Variants in YY1AP1 observed in about 807,000 individuals in gnomAD.
YY1AP1 encodes YY1-associated protein 1.
A neutral mutation model predicts 39.9 loss-of-function variants in YY1AP1; 43 were observed. The ratio of observed to expected loss-of-function variants is 1.08; its 90% confidence interval spans 0.84 to 1.39. YY1AP1 has a LOEUF of 1.39. YY1AP1 is among the 40% of genes most tolerant of loss of function. The probability of loss-of-function intolerance (pLI) is 0.00; values close to 1 mark genes in which losing one functional copy is unlikely to be tolerated. For missense variants in YY1AP1, 813 were observed against 900.7 expected, an observed-to-expected ratio of 0.90 and a Z score of 1.25; for synonymous variants, 292 against 331.3, an observed-to-expected ratio of 0.88 and a Z score of 1.29.
At chr1:155,676,338 T>C (rs191318297) in intron 5 of YY1AP1, among the ~76,000 whole-genome samples, 7 of 152,316 alleles carry the variant, frequency 4.6e-5, no homozygotes, top group Non-Finnish European at 7.4e-5. Context: ...CGAATACCAT[T>C]AGGGTCCTTA....
At position 155,659,808 on chromosome 1, in the gene YY1AP1, G is replaced by C; in HGVS notation, c.2102C>G (p.Thr701Ser). The stretch of plus-strand genomic sequence containing the variant: ...CCTTCCCTCCTCTGTTTTCACAACG[G>C]TCCAGCGATAGGCACTGTTCTCTGA... ...GLSENSAYRW[T>S]VVKTEEGRQA... is the part of the protein sequence containing the mutation. The change falls in exon 11 of 11, where the codon ACC becomes AGC. Residue 701 changes from threonine (T) to serine (S), a missense_variant. Around this residue, in one of 3 missense-constraint regions of YY1AP1, gnomAD observed 586 missense variants for 647.4 expected, o/e 0.91. Transcript: ENST00000355499. The C allele has an allele frequency of 6.2e-7, 1 of 1,614,202 alleles. No homozygotes were observed. Among genetic ancestry groups the C allele is most frequent in the Non-Finnish European group, 8.5e-7 (1 of 1,180,046 alleles).
intron 2 of YY1AP1, among the ~76,000 whole-genome samples, chr1:155,685,943 T>A (rs1652154401): frequency 6.6e-6 from 1 of 151,016 alleles, no homozygotes; most frequent in South Asian, 2.1e-4. Context: ...TCCAGAAGAA[T>A]ACAGCTAAGT....
chr1:155,660,939 C>G (rs1438830511), intron 10 of YY1AP1, 26 bp from the exon 11 acceptor site: 1 of 1,613,686 alleles, frequency 6.2e-7, no homozygotes, highest in Non-Finnish European at 8.5e-7. Context: ...ACACTCTGAT[C>G]CAGCACATGT....
intron 9 of YY1AP1, among the ~76,000 whole-genome samples, 161 bp from the exon 10 acceptor site, chr1:155,661,584 T>C (rs974818406): frequency 3.3e-5 from 5 of 151,404 alleles, no homozygotes; most frequent in African/African-American, 7.3e-5. Flanking sequence ...TGAACACACA[T>C]ATACGAATAG....
At chr1:155,687,162 T>C (rs1483094321) in intron 2 of YY1AP1, among the ~76,000 whole-genome samples, 1 of 152,158 alleles carries the variant, frequency 6.6e-6, no homozygotes, top group Non-Finnish European at 1.5e-5. Flanking sequence ...CGACAACAAA[T>C]AAGGCCACCC....
At chr1:155,672,779 A>C in intron 6 of YY1AP1, 48 bp from the exon 7 acceptor site, 1 of 1,613,850 alleles carries the variant, frequency 6.2e-7, no homozygotes, top group Non-Finnish European at 8.5e-7. Flanking sequence ...CCAGACAATT[A>C]ATACCAATAG....
chr1:155,688,760 G>GCACCCCCAC lies in YY1AP1; in HGVS notation c.-262_-254dup. On this transcript the variant is annotated 5_prime_UTR_variant, in exon 1 of 11. Transcript: ENST00000355499. ...ACCGCCGCCAAAGCAGCCGCCGCCA[G>GCACCCCCAC]CACCCCCACCCTACACTCCTCGCGC... 1 of 1,518,962 alleles carries GCACCCCCAC rather than the reference G, an allele frequency of 6.6e-7. No homozygotes were observed. The highest frequency in any genetic ancestry group is 2.5e-5 in the East Asian group (1 of 40,550). 94.1% of individuals were successfully genotyped at this position (1,518,962 alleles called of 1,614,324 possible). A position where few individuals can be genotyped will look rare whatever the true frequency, so the allele number is the denominator to read the frequency against.
At chr1:155,680,334 G>A (rs953109148) in intron 3 of YY1AP1, 82 bp downstream of exon 3, 1 of 1,487,958 alleles carries the variant, frequency 6.7e-7, no homozygotes, top group African/African-American at 1.4e-5. Flanking sequence ...CTTCTAGAAG[G>A]AGCATCACAG....
chr1:155,688,117 G>C lies in YY1AP1; in HGVS notation c.-67C>G, dbSNP rs146736158. 1.2e-6 allele frequency: 2 copies of C among 1,611,218 alleles called. No individual in the cohort carries two copies. The highest frequency in any genetic ancestry group is 1.7e-6 in the Non-Finnish European group (2 of 1,178,100). On this transcript the variant is annotated 5_prime_UTR_variant, in exon 2 of 11. Transcript: ENST00000355499. The stretch of plus-strand genomic sequence containing the variant: ...TGAGAGTACAGGGAAGTGAGGAAGA[G>C]GGGGTGGCCGCCAGGCTCCTCCGCT...
intron 6 of YY1AP1, 65 bp downstream of exon 6, chr1:155,674,945 A>G: frequency 7.0e-7 from 1 of 1,438,096 alleles, no homozygotes; most frequent in Non-Finnish European, 9.8e-7. Flanking sequence ...AATAACTGTG[A>G]GAAATAACCT....
chr1:155,678,882 A>G (rs1276977534), intron 4 of YY1AP1, among the ~76,000 whole-genome samples: 1 of 152,220 alleles, frequency 6.6e-6, no homozygotes, highest in Non-Finnish European at 1.5e-5. Context: ...AATCCACCAC[A>G]AAATGAGGAA....
intron 2 of YY1AP1, among the ~76,000 whole-genome samples, chr1:155,681,684 T>C (rs1003139917): frequency 6.6e-6 from 1 of 152,158 alleles, no homozygotes; most frequent in Non-Finnish European, 1.5e-5. Flanking sequence ...ATCAGTGAAT[T>C]AGAAGACCAA....
chr1:155,683,674 CA>C (rs199848137), intron 2 of YY1AP1, among the ~76,000 whole-genome samples: 1 of 151,318 alleles, frequency 6.6e-6, no homozygotes, highest in Admixed American at 6.6e-5. Context: ...CAAAACAAAA[CA>C]AAAAAAACAA....
In YY1AP1 at chr1:155,660,843, G is replaced by A; in HGVS notation, c.1067C>T (p.Thr356Ile). ...ADGAREVGNM[T>I]GTTEINSDQG... is the part of the protein sequence containing the mutation. ...ATCTGAGTTGATCTCAGTGGTTCCA[G>A]TCATATTTCCTACCTCTCTAGCACC... The change falls in exon 11 of 11, where the codon ACT (threonine) becomes ATT (isoleucine). Residue 356 changes from threonine (T) to isoleucine (I), a missense_variant. Physicochemically the swap from Thr to Ile is moderately conservative, Grantham distance 89. This residue lies in a region of YY1AP1 where 586 missense variants were observed against 647.4 expected (regional missense o/e 0.91). Transcript: ENST00000355499. 1 of 1,614,236 alleles carries A rather than the reference G, an allele frequency of 6.2e-7. No individual in the cohort carries two copies.
chr1:155,688,762 A>AC lies in YY1AP1; in HGVS notation c.-256dup, dbSNP rs535731792. ...CGCCGCCAAAGCAGCCGCCGCCAGC[A>AC]CCCCCACCCTACACTCCTCGCGCGT... On this transcript the variant is annotated 5_prime_UTR_variant, in exon 1 of 11. Coordinates refer to ENST00000355499, the MANE Select transcript of YY1AP1 (RefSeq NM_139119.3). The AC allele has an allele frequency of 6.6e-7, 1 of 1,521,060 alleles. No homozygotes were observed. Among genetic ancestry groups the AC allele is most frequent in the Non-Finnish European group, 8.8e-7 (1 of 1,139,152 alleles). The allele number at this position is 1,521,060 out of a possible 1,614,324, so 94.2% of individuals were successfully genotyped here. A position where few individuals can be genotyped will look rare whatever the true frequency, so the allele number is the denominator to read the frequency against.
chr1:155,686,553 G>A (rs550293647), intron 2 of YY1AP1, among the ~76,000 whole-genome samples: 1 of 150,358 alleles, frequency 6.7e-6, no homozygotes, highest in Non-Finnish European at 1.5e-5. Context: ...ACACCTTGAT[G>A]ATCCTCACCT....
intron 3 of YY1AP1, 75 bp downstream of exon 3, chr1:155,680,339 TCA>T: frequency 6.6e-7 from 1 of 1,525,606 alleles, no homozygotes; most frequent in Middle Eastern, 1.7e-4. Flanking sequence ...AGAAGGAGCA[TCA>T]CAGAGATCAA....
At chr1:155,682,206 G>C (rs1372765649) in intron 2 of YY1AP1, among the ~76,000 whole-genome samples, 1 of 151,630 alleles carries the variant, frequency 6.6e-6, no homozygotes, top group African/African-American at 2.4e-5. Context: ...CATGTTAATG[G>C]GTAAAGAGCT....
chr1:155,679,127 G>A (rs967310308), intron 4 of YY1AP1: 2 of 1,346,462 alleles, frequency 1.5e-6, no homozygotes, highest in Middle Eastern at 2.9e-4. Flanking sequence ...TGGCCACATT[G>A]AGTCCTACAT....
Sources: gnomAD v4.1 joint callset for allele counts (sites outside exome capture counted in the v4.1 genomes callset) on GRCh38, gnomAD v4.1.1 for gene constraint, gnomAD v4.1.1 regional missense constraint, MANE v1.5 for transcripts, NCBI Gene and HGNC (gene_info 2026-07-23, HGNC 2026-07-21) for gene names.